The following SMYD3 variants were observed in gnomAD, a reference collection of about 807,000 sequenced individuals.
SMYD3 encodes histone-lysine N-methyltransferase SMYD3.
SMYD3 carries 36 observed loss-of-function variants against 57.7 expected under a neutral mutation model. That is an observed-to-expected ratio of 0.62 (90% CI 0.48 to 0.82). The LOEUF (loss-of-function observed/expected upper bound fraction) is 0.82. Ranked by LOEUF, SMYD3 falls within the 40% of genes least tolerant of loss-of-function variation. The probability of loss-of-function intolerance (pLI) is 0.00; values close to 1 mark genes in which losing one functional copy is unlikely to be tolerated. For synonymous variants in SMYD3, 211 were observed against 195.0 expected (o/e 1.08, Z -0.68); for missense variants, 515 against 538.8 (o/e 0.96, Z 0.44).
At chr1:246,458,354 T>A (rs2067736610) in intron 1 of SMYD3, among the ~76,000 whole-genome samples, 1 of 151,616 alleles carries the variant, frequency 6.6e-6, no homozygotes, top group African/African-American at 2.4e-5. Flanking sequence ...AATTCTGAAG[T>A]GATATCATCA....
chr1:245,994,997 C>T (rs1034289123), intron 5 of SMYD3, among the ~76,000 whole-genome samples: 38 of 152,056 alleles, frequency 2.5e-4, no homozygotes, highest in African/African-American at 8.7e-4. Flanking sequence ...TGGTGGCATG[C>T]GCCTGTAGTC....
chr1:246,482,494 T>C (rs953308710), intron 1 of SMYD3, among the ~76,000 whole-genome samples: 10 of 152,158 alleles, frequency 6.6e-5, no homozygotes, highest in African/African-American at 2.2e-4. Context: ...AAAGCCACTC[T>C]GTCGCCTTTC....
chr1:246,192,167 T>C (rs1052254720), intron 5 of SMYD3, among the ~76,000 whole-genome samples: 1 of 152,162 alleles, frequency 6.6e-6, no homozygotes, highest in African/African-American at 2.4e-5. Flanking sequence ...GGTATTATTA[T>C]AGCTCACTGT....
chr1:246,439,685 G>C (rs894073524), intron 1 of SMYD3, among the ~76,000 whole-genome samples: 3 of 151,376 alleles, frequency 2.0e-5, no homozygotes, highest in Admixed American at 6.6e-5. Flanking sequence ...CAATAAATGT[G>C]CTAGAAGTAC....
intron 1 of SMYD3, among the ~76,000 whole-genome samples, chr1:246,464,497 A>G (rs1181029821): frequency 2.6e-5 from 4 of 152,212 alleles, no homozygotes; most frequent in Non-Finnish European, 5.9e-5. Context: ...AGCCTGGGTG[A>G]CAGAGACAGA....
intron 5 of SMYD3, among the ~76,000 whole-genome samples, chr1:245,951,365 C>G (rs1031376076): frequency 7.4e-6 from 1 of 135,924 alleles, no homozygotes; most frequent in East Asian, 2.9e-4. Flanking sequence ...GTCAGGAGAT[C>G]GAGACCATCC....
intron 5 of SMYD3, among the ~76,000 whole-genome samples, chr1:246,217,495 C>A (rs2063183449): frequency 6.6e-6 from 1 of 151,936 alleles, no homozygotes. Flanking sequence ...GGTAATAGAC[C>A]AAGACCCTGT....
At chr1:245,769,332 A>T (rs2046244417) in intron 10 of SMYD3, among the ~76,000 whole-genome samples, 1 of 152,218 alleles carries the variant, frequency 6.6e-6, no homozygotes, top group Admixed American at 6.5e-5. Flanking sequence ...CCCCTCAACG[A>T]TCCTTGTGAA....
At chr1:246,242,474 G>A (rs923556095) in intron 5 of SMYD3, among the ~76,000 whole-genome samples, 13 of 152,132 alleles carry the variant, frequency 8.5e-5, no homozygotes, top group Admixed American at 7.2e-4. Context: ...TATAATTTAT[G>A]TTCTTTTATA....
chr1:246,434,843 A>G lies in SMYD3; in HGVS notation c.164+72211T>C, dbSNP rs569073748. On this transcript the variant is annotated intron_variant, in intron 1 of 11. Coordinates refer to ENST00000490107, the MANE Select transcript of SMYD3 (RefSeq NM_001167740.2). ...ATTGTTCTACCAAAGAGACACATGTACGTATATGTTTGTTGCAGCACTACT... is the reference window on the plus strand; with the variant it reads ...ATTGTTCTACCAAAGAGACACATGTGCGTATATGTTTGTTGCAGCACTACT... Among the ~76,000 whole-genome samples the G allele has an allele frequency of 2.0e-5, 3 of 152,358 alleles. No homozygotes were observed. In the South Asian group the frequency reaches 6.2e-4, roughly 32 times the overall value.
At chr1:245,781,705 G>A (rs1351487570) in intron 10 of SMYD3, among the ~76,000 whole-genome samples, 1 of 152,148 alleles carries the variant, frequency 6.6e-6, no homozygotes, top group Non-Finnish European at 1.5e-5. Context: ...TCTGGGCCAG[G>A]TGCGCTGGCT....
At chr1:245,814,265 A>G in intron 10 of SMYD3, 1 of 607,794 alleles carries the variant, frequency 1.6e-6, no homozygotes, top group Non-Finnish European at 2.1e-6. Context: ...AAACAATTTA[A>G]TAATTTCAGT....
Position 246,355,372 on chromosome 1 carries a change from G to A in SMYD3, c.165-278C>T, listed in dbSNP as rs1299044277. The A allele has an allele frequency of 7.4e-6, 3 of 405,498 alleles. No individual in the cohort carries two copies. Among genetic ancestry groups the A allele is most frequent in the Non-Finnish European group, 1.3e-5 (3 of 222,430 alleles). The allele number at this position is 405,498 out of a possible 1,614,324, so 25.1% of individuals were successfully genotyped here. A position where few individuals can be genotyped will look rare whatever the true frequency, so the allele number is the denominator to read the frequency against. On this transcript the variant is annotated intron_variant, in intron 1 of 11. Transcript: ENST00000490107. This position sits in a 1 kb window ranked among gnomAD's most constrained non-coding sequence, Gnocchi z 5.0. ...CCCGATCGGACAGACAGAGCAGCGT[G>A]TGGGGACTCACACTGTGAACTTTTG...
rs575613806 is a variant in SMYD3 at position 246,293,618 on chromosome 1, G to A, written c.531+33583C>T. 3.3e-5 allele frequency among the ~76,000 whole-genome samples: 5 copies of A among 152,256 alleles called. No homozygotes were observed. The East Asian group carries it at 9.7e-4, about 29-fold the overall frequency. On this transcript the variant is annotated intron_variant, in intron 5 of 11. Coordinates refer to ENST00000490107, the MANE Select transcript of SMYD3 (RefSeq NM_001167740.2). ...AGTGGAAAAACCCACGACAGTCTCA[G>A]AAGAAGAGCGTCTATCCCAGGATTC...
At position 246,355,268 on chromosome 1, in the gene SMYD3, A is replaced by C; in HGVS notation, c.165-174T>G. ...TGATGAGCCTCCTCTTGAACCTTCC[A>C]TGTGAGACACTGATAGAAAAACTAA... On this transcript the variant is annotated intron_variant, in intron 1 of 11. Transcript: ENST00000490107. The surrounding 1 kb of genome is among the most constrained non-coding windows in gnomAD (Gnocchi z 5.0). 3.3e-6 allele frequency: 2 copies of C among 599,268 alleles called. No individual in the cohort carries two copies. The highest frequency in any genetic ancestry group is 5.9e-6 in the Non-Finnish European group (2 of 339,662). The allele number at this position is 599,268 out of a possible 1,614,324, so 37.1% of individuals were successfully genotyped here. A position where few individuals can be genotyped will look rare whatever the true frequency, so the allele number is the denominator to read the frequency against.
chr1:246,169,381 CA>C (rs55719556), intron 5 of SMYD3, among the ~76,000 whole-genome samples: 3,115 of 61,750 alleles, frequency 0.05, 71 homozygotes, highest in East Asian at 0.26. Flanking sequence ...GACTTTCTTT[CA>C]AAAAAAAAAA....
Position 246,439,237 on chromosome 1 carries a change from C to T in SMYD3, c.164+67817G>A, listed in dbSNP as rs565032680. 8.5e-5 allele frequency among the ~76,000 whole-genome samples: 13 copies of T among 152,114 alleles called. No individual in the cohort carries two copies. In the East Asian group the frequency reaches 2.1e-3, roughly 25 times the overall value. On this transcript the variant is annotated intron_variant, in intron 1 of 11. Transcript: ENST00000490107. ...TGAGCCTCCCTAGGAAATGAGACTA[C>T]AGGCAAACACCACCACACCCAGTCC...
intron 1 of SMYD3, among the ~76,000 whole-genome samples, chr1:246,446,518 T>C (rs1433616396): frequency 6.6e-6 from 1 of 152,166 alleles, no homozygotes; most frequent in Admixed American, 6.5e-5. Context: ...ACATCAGAGA[T>C]ATTAGAGGTG....
intron 1 of SMYD3, among the ~76,000 whole-genome samples, chr1:246,364,138 A>G (rs971188046): frequency 6.6e-6 from 1 of 152,034 alleles, no homozygotes; most frequent in Non-Finnish European, 1.5e-5. Flanking sequence ...GAGGAAGCCA[A>G]CATCTGGATT....
Sources: gnomAD v4.1 joint callset for allele counts (sites outside exome capture counted in the v4.1 genomes callset) on GRCh38, gnomAD v4.1.1 for gene constraint, Gnocchi (gnomAD v3.1) non-coding constraint, MANE v1.5 for transcripts, NCBI Gene and HGNC (gene_info 2026-07-23, HGNC 2026-07-21) for gene names.